The following CSF3R variants were observed in gnomAD, a reference collection of about 807,000 sequenced individuals.
CSF3R encodes colony stimulating factor 3 receptor, also known as granulocyte colony-stimulating factor receptor.
A neutral mutation model predicts 84.4 loss-of-function variants in CSF3R; 52 were observed. The ratio of observed to expected loss-of-function variants is 0.62; its 90% CI spans 0.49 to 0.78. The LOEUF is 0.78. Ranked by LOEUF, CSF3R falls within the 30% of genes least tolerant of loss-of-function variation. CSF3R has a pLI of 0.00. For missense variants in CSF3R, 890 were observed against 1,055.7 expected, an observed-to-expected ratio of 0.84 and a Z score of 2.17; for synonymous variants, 384 against 429.1, an observed-to-expected ratio of 0.89 and a Z score of 1.30.
rs749016826 is a variant in CSF3R at position 36,473,862 on chromosome 1, G to C, written c.387C>G (p.Leu129=). 3 of 1,614,118 alleles carry C rather than the reference G, an allele frequency of 1.9e-6. No individual in the cohort carries two copies. The highest frequency in any genetic ancestry group is 1.1e-5 in the South Asian group (1 of 91,088). ...AGYPPAIPHN[L]SCLMNLTTSS... Reference sequence around the variant, plus strand: ...TGGTTGTGAGGTTCATGAGGCAGGAGAGGTTGTGGGGTATGGCTGGAGGGT... The same window carrying C: ...TGGTTGTGAGGTTCATGAGGCAGGACAGGTTGTGGGGTATGGCTGGAGGGT... Residue 129 remains leucine (L), a synonymous_variant, in exon 5 of 17, where the codon CTC becomes CTG. Transcript: ENST00000373106.
In CSF3R at chr1:36,468,131, T is replaced by C; in HGVS notation, c.1667A>G (p.Lys556Arg). The C allele has an allele frequency of 7.4e-6, 12 of 1,614,116 alleles. No homozygotes were observed. Among genetic ancestry groups the C allele is most frequent in the Non-Finnish European group, 1.0e-5 (12 of 1,179,986 alleles). The part of the protein sequence containing the change: ...EWVPEPPELG[K>R]SPLTHYTIFW... ...GATGGTGTAGTGGGTAAGGGGGCTC[T>C]TCCCCAGCTCAGGGGGCTCAGGCAC... Residue 556 changes from lysine (K) to arginine (R), a missense_variant, in exon 13 of 17, where the codon AAG becomes AGG. Physicochemically the swap from Lys to Arg is conservative, Grantham distance 26 (BLOSUM62 2). Transcript: ENST00000373106.
At chr1:36,469,870 A>C (rs1343028151) in intron 10 of CSF3R, 30 bp from the exon 11 acceptor site, 1 of 1,611,070 alleles carries the variant, frequency 6.2e-7, no homozygotes, top group East Asian at 2.2e-5. Context: ...TGGTGGAATG[A>C]AGGTGAAAAG....
chr1:36,471,683 C>T (rs2124119567), intron 9 of CSF3R, 37 bp from the exon 10 acceptor site: 3 of 1,605,202 alleles, frequency 1.9e-6, no homozygotes, highest in Middle Eastern at 1.9e-4. Flanking sequence ...AGGGGATGTG[C>T]AGCTCATCTT....
At position 36,472,229 on chromosome 1, in the gene CSF3R, C is replaced by T. The variant is rs765096592; in HGVS notation, c.997+9G>A. 1.9e-6 allele frequency: 3 copies of T among 1,614,164 alleles called. No individual in the cohort carries two copies. Among genetic ancestry groups the T allele is most frequent in the East Asian group, 4.5e-5 (2 of 44,858 alleles). On this transcript the variant is annotated intron_variant, in intron 8 of 16. Coordinates refer to ENST00000373106, the MANE Select transcript of CSF3R (RefSeq NM_000760.4). This position sits in a 1 kb window ranked among gnomAD's most constrained non-coding sequence, Gnocchi z 5.0. ...GTTGGCTGCTCCCAGCCTCTCATCACCTCCTTACCCCGTTCGGTAGTTCTC... is the reference window on the plus strand; with the variant it reads ...GTTGGCTGCTCCCAGCCTCTCATCATCTCCTTACCCCGTTCGGTAGTTCTC...
chr1:36,472,122 C>A lies in CSF3R; in HGVS notation c.1015G>T (p.Asp339Tyr). 6.2e-7 allele frequency: 1 copy of A among 1,613,902 alleles called. No homozygotes were observed. The highest frequency in any genetic ancestry group is 1.1e-5 in the South Asian group (1 of 91,076). ...TTERAPTVRLDTWWRQRQLDP... is the reference protein window; with the variant it reads ...TTERAPTVRLYTWWRQRQLDP... ...AGCTGCCTCTGCCGCCACCATGTGTCCAGTCTGACAGTGGGGGCTGTGGAT... is the reference window on the plus strand; with the variant it reads ...AGCTGCCTCTGCCGCCACCATGTGTACAGTCTGACAGTGGGGGCTGTGGAT... The change falls in exon 9 of 17, where the codon GAC (aspartate) becomes TAC (tyrosine). Residue 339 changes from aspartate to tyrosine, a missense_variant. Physicochemically the swap from Asp to Tyr is radical, Grantham distance 160 (BLOSUM62 -3). Transcript: ENST00000373106. This position sits in a 1 kb window ranked among gnomAD's most constrained non-coding sequence, Gnocchi z 5.0.
chr1:36,467,349 C>A lies in CSF3R; in HGVS notation c.1959-38G>T, dbSNP rs372483415. 1.0e-5 allele frequency: 16 copies of A among 1,597,708 alleles called. No homozygotes were observed. The South Asian group carries it at 1.1e-4, about 11-fold the overall frequency. ...GCAGGTGGAGGCTGAGTCAGACACACCCTCCGATCTTTCCATTTTTTGTCC... is the reference window on the plus strand; with the variant it reads ...GCAGGTGGAGGCTGAGTCAGACACAACCTCCGATCTTTCCATTTTTTGTCC... On this transcript the variant is annotated intron_variant, in intron 15 of 16. Transcript: ENST00000373106. The surrounding 1 kb of genome is among the most constrained non-coding windows in gnomAD (Gnocchi z 4.1).
chr1:36,469,504 T>C (rs879757617), intron 11 of CSF3R, 148 bp downstream of exon 11: 2 of 1,007,448 alleles, frequency 2.0e-6, no homozygotes, highest in Non-Finnish European at 1.5e-6. Flanking sequence ...TTCCTGATTA[T>C]GAGGATATGA....
At chr1:36,471,359 T>C (rs1326647364) in intron 10 of CSF3R, 74 bp downstream of exon 10, 3 of 1,467,308 alleles carry the variant, frequency 2.0e-6, no homozygotes, top group Non-Finnish European at 2.9e-6. Flanking sequence ...TAGGACTAGA[T>C]TTAACCCAGG....
At chr1:36,475,014 T>C (rs3917959) in intron 4 of CSF3R, among the ~76,000 whole-genome samples, 9,477 of 151,684 alleles carry the variant, frequency 0.062, 757 homozygotes, top group African/African-American at 0.19. Context: ...TTTTTTCTTC[T>C]TTTTTTTGAG....
At position 36,475,844 on chromosome 1, in the gene CSF3R, G is replaced by T. The variant is rs371641833; in HGVS notation, c.65-171C>A. 3.2e-4 allele frequency: 200 copies of T among 634,030 alleles called. No individual in the cohort carries two copies. In the African/African-American group the frequency reaches 3.5e-3, roughly 11 times the overall value. The allele number at this position is 634,030 out of a possible 1,614,324, so 39.3% of individuals were successfully genotyped here. ...ACGGAGACTTCGAGAGGCTACGGGG[G>T]TGACACAGAGATAGTGATGTGCTGG... On this transcript the variant is annotated intron_variant, in intron 3 of 16. Coordinates refer to ENST00000373106, the MANE Select transcript of CSF3R (RefSeq NM_000760.4).
Position 36,472,684 on chromosome 1 carries a change from T to G in CSF3R, c.676A>C (p.Lys226Gln). Residue 226 changes from lysine to glutamine, a missense_variant and splice_region_variant, in exon 7 of 17, where the codon AAA becomes CAA. Coordinates refer to ENST00000373106, the MANE Select transcript of CSF3R (RefSeq NM_000760.4). The surrounding 1 kb of genome is among the most constrained non-coding windows in gnomAD (Gnocchi z 5.0). ...QLCLDPMDVV[K>Q]LEPPMLRTMD... Reference sequence around the variant, plus strand: ...GTCCGCAGCATGGGGGGCTCCAGTTTCACTGCAAGGAGTGGGGCTGTCAGA... The same window carrying G: ...GTCCGCAGCATGGGGGGCTCCAGTTGCACTGCAAGGAGTGGGGCTGTCAGA... The G allele has an allele frequency of 6.3e-7, 1 of 1,596,162 alleles. No homozygotes were observed. Among genetic ancestry groups the G allele is most frequent in the South Asian group, 1.1e-5 (1 of 89,710 alleles).
chr1:36,470,595 C>G (rs1366031445), intron 10 of CSF3R, among the ~76,000 whole-genome samples: 1 of 152,190 alleles, frequency 6.6e-6, no homozygotes, highest in Non-Finnish European at 1.5e-5. Context: ...GGTTAAGAAA[C>G]TTGTCTAAGA....
intron 4 of CSF3R, 74 bp downstream of exon 4, chr1:36,475,303 G>T: frequency 1.3e-6 from 2 of 1,582,196 alleles, no homozygotes; most frequent in Non-Finnish European, 1.7e-6. Context: ...CAACGTGCCC[G>T]GCTGGTAATA....
Position 36,479,431 on chromosome 1 carries a change from A to T in CSF3R, c.64+2T>A, listed in dbSNP as rs1244165829. On this transcript the variant is annotated splice_donor_variant, in intron 3 of 16. Transcript: ENST00000373106. LOFTEE classifies it high-confidence loss of function. ...TGCACCCTCATCCTTGGCCATACTCACTTCCGGGGAGCAGCAGGATGATCA... is the reference window on the plus strand; with the variant it reads ...TGCACCCTCATCCTTGGCCATACTCTCTTCCGGGGAGCAGCAGGATGATCA... 6.2e-7 allele frequency: 1 copy of T among 1,613,846 alleles called. No homozygotes were observed.
Position 36,472,065 on chromosome 1 carries a change from C to T in CSF3R, c.1071+1G>A. On this transcript the variant is annotated splice_donor_variant, in intron 9 of 16. Coordinates refer to ENST00000373106, the MANE Select transcript of CSF3R (RefSeq NM_000760.4). LOFTEE classifies it high-confidence loss of function. The surrounding 1 kb of genome is among the most constrained non-coding windows in gnomAD (Gnocchi z 5.0). ...GAGGGATGGCCTTCAGAGGGAGTCA[C>T]CTTCCAGAACAGCTGCACTGTCCTG... The T allele has an allele frequency of 6.2e-7, 1 of 1,613,340 alleles. No individual in the cohort carries two copies. Among genetic ancestry groups the T allele is most frequent in the Non-Finnish European group, 8.5e-7 (1 of 1,179,980 alleles).
chr1:36,479,175 A>G, intron 3 of CSF3R: 1 of 546,096 alleles, frequency 1.8e-6, no homozygotes, highest in South Asian at 1.9e-5. Flanking sequence ...CTTGGTAGAG[A>G]TTTGCGGACA....
chr1:36,480,772 C>T (rs1651470180), intron 2 of CSF3R, among the ~76,000 whole-genome samples: 1 of 152,198 alleles, frequency 6.6e-6, no homozygotes, highest in South Asian at 2.1e-4. Flanking sequence ...TGTTACTGCT[C>T]ACAGGGGTCT....
intron 1 of CSF3R, chr1:36,481,869 A>G (rs1463913943): frequency 6.6e-6 from 1 of 152,662 alleles, no homozygotes. Context: ...CCCTCCTGTC[A>G]CTGCGGCCAT....
chr1:36,479,088 T>A (rs1288282833), intron 3 of CSF3R: 2 of 391,224 alleles, frequency 5.1e-6, no homozygotes, highest in Non-Finnish European at 9.8e-6. Flanking sequence ...GGATGAAACC[T>A]GTCCCCTTGT....
Sources: gnomAD v4.1 joint callset for allele counts (sites outside exome capture counted in the v4.1 genomes callset) on GRCh38, gnomAD v4.1.1 for gene constraint, Gnocchi (gnomAD v3.1) non-coding constraint, MANE v1.5 for transcripts, NCBI Gene and HGNC (gene_info 2026-07-23, HGNC 2026-07-21) for gene names.